Variants in MBNL2 observed in about 807,000 individuals in gnomAD.
MBNL2 encodes muscleblind like splicing regulator 2.
Under a neutral mutation model 41.9 loss-of-function variants are expected in MBNL2, and 17 were observed. The observed-to-expected ratio is 0.41, with a 90% CI of 0.28 to 0.61. The LOEUF (loss-of-function observed/expected upper bound fraction) is 0.61. MBNL2 is among the 20% of genes least tolerant of loss of function. The pLI is 0.35. For synonymous variants in MBNL2, 195 were observed against 182.9 expected (o/e 1.07, Z -0.53); for missense variants, 336 against 505.6 (o/e 0.66, Z 3.22).
rs199602677 is a variant in MBNL2, at chr13:97,310,430, C to CT, written c.175-23838dup. Reference sequence around the variant, plus strand: ...AGCCCTCCTATTTCTTTTTTTTTTTCTTTTTTTTCTTTTTTTTGAGACGGA... The same window carrying CT: ...AGCCCTCCTATTTCTTTTTTTTTTTCTTTTTTTTTCTTTTTTTTGAGACGGA... On this transcript the variant is annotated intron_variant, in intron 2 of 8. Coordinates refer to ENST00000679496, the MANE Select transcript of MBNL2 (RefSeq NM_001382683.1). 3.3e-4 allele frequency among the ~76,000 whole-genome samples: 46 copies of CT among 141,338 alleles called. 1 individual carries two copies. The highest frequency in any genetic ancestry group is 1.1e-3 in the African/African-American group (40 of 37,722). The allele number at this position is 141,338 out of a possible 152,430, so 92.7% of individuals were successfully genotyped here.
intron 2 of MBNL2, among the ~76,000 whole-genome samples, chr13:97,285,270 A>G (rs932341411): frequency 3.3e-5 from 5 of 152,186 alleles, no homozygotes; most frequent in African/African-American, 1.2e-4. Flanking sequence ...CCAGTGTCTC[A>G]CAAGCAAATG....
the MBNL2 span, among the ~76,000 whole-genome samples, chr13:97,166,134 T>C: frequency 6.6e-6 from 1 of 152,366 alleles, no homozygotes; most frequent in South Asian, 2.1e-4. Flanking sequence ...AATATCAACA[T>C]AGCATTCCAT....
chr13:97,298,826 C>T (rs189666503), intron 2 of MBNL2, among the ~76,000 whole-genome samples: 1 of 152,278 alleles, frequency 6.6e-6, no homozygotes, highest in Non-Finnish European at 1.5e-5. Flanking sequence ...GAGGAATACA[C>T]GGCATTAAGG....
At chr13:97,153,649 A>G in the MBNL2 span, among the ~76,000 whole-genome samples, 1 of 152,210 alleles carries the variant, frequency 6.6e-6, no homozygotes, top group African/African-American at 2.4e-5. Context: ...GGCTACAATT[A>G]TCTGTGAAGG....
At chr13:97,370,672 AAAAAAAAG>A (rs1018859275) in intron 8 of MBNL2, among the ~76,000 whole-genome samples, 1 of 151,696 alleles carries the variant, frequency 6.6e-6, no homozygotes, top group African/African-American at 2.4e-5. Flanking sequence ...TCCGTCAAAA[AAAAAAAAG>A]AAAGAAAGAA....
the MBNL2 span, among the ~76,000 whole-genome samples, chr13:97,209,502 T>G: frequency 4.6e-5 from 7 of 152,358 alleles, no homozygotes; most frequent in African/African-American, 1.7e-4. Context: ...TGCAAAGTAG[T>G]GTTCAAAGGA....
the MBNL2 span, among the ~76,000 whole-genome samples, chr13:97,154,224 T>A: frequency 6.6e-6 from 1 of 152,170 alleles, no homozygotes; most frequent in Non-Finnish European, 1.5e-5. Context: ...GGAGATGGAC[T>A]GATTCTTCCC....
chr13:97,220,388 G>A (rs1007269479), upstream of MBNL2, among the ~76,000 whole-genome samples: 6 of 152,192 alleles, frequency 3.9e-5, no homozygotes, highest in Non-Finnish European at 8.8e-5. Context: ...AGAGGGTAAT[G>A]TGGCCACAGA....
chr13:97,246,037 T>G (rs2045396891), intron 1 of MBNL2, among the ~76,000 whole-genome samples: 1 of 152,158 alleles, frequency 6.6e-6, no homozygotes, highest in African/African-American at 2.4e-5. Context: ...TATTACTACA[T>G]TTTATAGATA....
intron 1 of MBNL2, among the ~76,000 whole-genome samples, chr13:97,265,981 C>G (rs1035820634): frequency 6.6e-6 from 1 of 152,076 alleles, no homozygotes; most frequent in African/African-American, 2.4e-5. Context: ...GTGGCTCACC[C>G]TTGTAATCCC....
rs57451800 is a variant in MBNL2 at position 97,286,851 on chromosome 13, T to A, written c.174+10442T>A. Among the ~76,000 whole-genome samples, 822 of 152,328 alleles carry A rather than the reference T, an allele frequency of 5.4e-3. 9 individuals carry two copies. Among genetic ancestry groups the A allele is most frequent in the African/African-American group, 0.018 (765 of 41,572 alleles). On this transcript the variant is annotated intron_variant, in intron 2 of 8. Coordinates refer to ENST00000679496, the MANE Select transcript of MBNL2 (RefSeq NM_001382683.1). ...ACAAAAGCACCCCTGGAATTATCTT[T>A]ACGTGACGCTGTCTATCTACTGTGT... is the stretch of plus-strand genomic sequence containing the variant.
At chr13:97,205,270 AAT>A in the MBNL2 span, among the ~76,000 whole-genome samples, 2 of 150,092 alleles carry the variant, frequency 1.3e-5, no homozygotes, top group Admixed American at 1.3e-4. Context: ...ACATGCCTGT[AAT>A]CCCAGCTACT....
chr13:97,218,442 A>AAACAAAAC (rs1248985859), upstream of MBNL2, among the ~76,000 whole-genome samples: 1,159 of 145,688 alleles, frequency 8.0e-3, 28 homozygotes, highest in African/African-American at 0.029. Flanking sequence ...AAACAAAACA[A>AAACAAAAC]AAAAAAAAAA....
At chr13:97,187,529 T>A in the MBNL2 span, among the ~76,000 whole-genome samples, 1 of 133,944 alleles carries the variant, frequency 7.5e-6, no homozygotes, top group Non-Finnish European at 1.5e-5. Context: ...TACTGCCTAA[T>A]GTAATTAGGA....
the MBNL2 span, among the ~76,000 whole-genome samples, chr13:97,144,876 T>C: frequency 6.6e-6 from 1 of 152,156 alleles, no homozygotes; most frequent in Non-Finnish European, 1.5e-5. Flanking sequence ...AGCAAAGTAT[T>C]CGGAAGGACC....
intron 1 of MBNL2, among the ~76,000 whole-genome samples, chr13:97,253,767 T>TAA (rs141600539): frequency 2.0e-5 from 3 of 149,408 alleles, no homozygotes; most frequent in Non-Finnish European, 4.4e-5. Context: ...TACGTATTAA[T>TAA]TTATTAATAC....
At chr13:97,326,921 G>A (rs982530124) in intron 2 of MBNL2, among the ~76,000 whole-genome samples, 1 of 152,218 alleles carries the variant, frequency 6.6e-6, no homozygotes, top group African/African-American at 2.4e-5. Flanking sequence ...CAGGCCAAAT[G>A]TTAGACTCAG....
intron 8 of MBNL2, among the ~76,000 whole-genome samples, chr13:97,384,592 A>G (rs995856130): frequency 6.6e-6 from 1 of 152,186 alleles, no homozygotes; most frequent in Non-Finnish European, 1.5e-5. Context: ...AGAGAGTGGG[A>G]AGAAGGAACT....
At chr13:97,327,875 A>G (rs760697238) in intron 2 of MBNL2, among the ~76,000 whole-genome samples, 13 of 152,216 alleles carry the variant, frequency 8.5e-5, no homozygotes, top group Non-Finnish European at 1.5e-4. Flanking sequence ...TGTTTTCAAT[A>G]CCATATATTT....
Sources: allele counts gnomAD v4.1 joint callset (sites outside exome capture counted in the v4.1 genomes callset), GRCh38; gene constraint gnomAD v4.1.1; transcripts MANE v1.5; gene names NCBI Gene and HGNC (gene_info 2026-07-23, HGNC 2026-07-21).